The following FREM2 variants were observed in gnomAD, a reference collection of about 807,000 sequenced individuals.
FREM2 encodes the protein FRAS1 related extracellular matrix 2.
FREM2 carries 119 observed loss-of-function variants against 219.9 expected under a neutral mutation model. That is an observed-to-expected ratio of 0.54 (90% CI 0.47 to 0.63). FREM2 has a LOEUF of 0.63. FREM2 is among the 30% of genes least tolerant of loss of function. FREM2 has a pLI of 0.00. For missense variants in FREM2, 4,030 were observed against 3,993.6 expected, an observed-to-expected ratio of 1.01 and a Z score of -0.25; for synonymous variants, 1,562 against 1,522.8, an observed-to-expected ratio of 1.03 and a Z score of -0.60.
intron 6 of FREM2, among the ~76,000 whole-genome samples, chr13:38,832,226 G>A (rs1382431771): frequency 1.3e-5 from 2 of 151,766 alleles, no homozygotes; most frequent in Non-Finnish European, 2.9e-5. Flanking sequence ...ATCTCACCAC[G>A]GCACTCCATC....
At position 38,688,087 on chromosome 13, in the gene FREM2, C is replaced by A. The variant is rs1164931194; in HGVS notation, c.743C>A (p.Ala248Asp). ...CCTGGAGGAGCCAGAGAGGGAGGCG[C>A]CCCGGAGACTCTCCTGATGGACTGC... is the stretch of plus-strand genomic sequence containing the variant. Reference protein sequence around the residue: ...QVPGGAREGGAPETLLMDCKA... With the variant: ...QVPGGAREGGDPETLLMDCKA... Residue 248 changes from alanine (A) to aspartate (D), a missense_variant, in exon 1 of 24, where the codon GCC becomes GAC. By Grantham distance (126) the Ala-to-Asp change is moderately radical. This residue lies in a region of FREM2 where 3,102 missense variants were observed against 2,950.7 expected (regional missense o/e 1.05). Coordinates refer to ENST00000280481, the MANE Select transcript of FREM2 (RefSeq NM_207361.6). 6.2e-7 allele frequency: 1 copy of A among 1,609,548 alleles called. No individual in the cohort carries two copies. Among genetic ancestry groups the A allele is most frequent in the Non-Finnish European group, 8.5e-7 (1 of 1,176,548 alleles).
rs771997262 is a variant in FREM2 at position 38,687,433 on chromosome 13, T to G, written c.89T>G (p.Leu30Arg). Residue 30 changes from leucine (L) to arginine (R), a missense_variant, in exon 1 of 24, where the codon CTG becomes CGG. Around this residue, in one of 2 missense-constraint regions of FREM2, gnomAD observed 3,102 missense variants for 2,950.7 expected, o/e 1.05. Coordinates refer to ENST00000280481, the MANE Select transcript of FREM2 (RefSeq NM_207361.6). ...CCAGGACCGCCACCGCCGCCCCGGC[T>G]GCTGCTGCTGCTGCTGCTTCTCCTG... ...FQPGPPPPPR[L>R]LLLLLLLLSL... 5.1e-6 allele frequency: 8 copies of G among 1,576,272 alleles called. No individual in the cohort carries two copies. Among genetic ancestry groups the G allele is most frequent in the Non-Finnish European group, 6.9e-6 (8 of 1,160,518 alleles).
At position 38,688,428 on chromosome 13, in the gene FREM2, C is replaced by G. The variant is rs773403483; in HGVS notation, c.1084C>G (p.Pro362Ala). ...CCTGTTGATCTTCAACCTTACTTCT[C>G]CATTCCAGCCTGGCCAGGGCTACTT... ...SDLLIFNLTS[P>A]FQPGQGYLVS... Residue 362 changes from proline (P) to alanine (A), a missense_variant, in exon 1 of 24, where the codon CCA (proline) becomes GCA (alanine). This residue lies in a region of FREM2 where 3,102 missense variants were observed against 2,950.7 expected (regional missense o/e 1.05). Transcript: ENST00000280481. The G allele has an allele frequency of 4.3e-6, 7 of 1,613,898 alleles. No individual in the cohort carries two copies. The South Asian group carries it at 6.6e-5, about 15-fold the overall frequency.
In FREM2 at chr13:38,851,674, C is replaced by A; in HGVS notation, c.6743-12C>A. 1 of 1,585,628 alleles carries A rather than the reference C, an allele frequency of 6.3e-7. No individual in the cohort carries two copies. Among genetic ancestry groups the A allele is most frequent in the Non-Finnish European group, 8.7e-7 (1 of 1,154,932 alleles). On this transcript the variant is annotated splice_polypyrimidine_tract_variant and intron_variant, in intron 10 of 23. Coordinates refer to ENST00000280481, the MANE Select transcript of FREM2 (RefSeq NM_207361.6). ...TAACAATTTCATTTGTCTTTGTTTCCCACAATTTTAGAGACTGTTATTAAA... is the reference window on the plus strand; with the variant it reads ...TAACAATTTCATTTGTCTTTGTTTCACACAATTTTAGAGACTGTTATTAAA...
chr13:38,793,710 G>T (rs1874656603), intron 6 of FREM2, among the ~76,000 whole-genome samples: 1 of 152,210 alleles, frequency 6.6e-6, no homozygotes. Flanking sequence ...GAGCTCAGGT[G>T]GCTGTTGGAG....
chr13:38,695,250 T>A (rs1328513442), intron 1 of FREM2, among the ~76,000 whole-genome samples: 6 of 152,148 alleles, frequency 3.9e-5, no homozygotes, highest in Non-Finnish European at 8.8e-5. Flanking sequence ...ACCAGTATGA[T>A]GATGAAAGTC....
At chr13:38,811,397 T>C (rs1593421938) in intron 6 of FREM2, among the ~76,000 whole-genome samples, 1 of 152,222 alleles carries the variant, frequency 6.6e-6, no homozygotes, top group East Asian at 1.9e-4. Context: ...TATTAGGTTA[T>C]TTATTTGAAG....
chr13:38,871,051 A>T (rs934510603), intron 16 of FREM2, among the ~76,000 whole-genome samples: 3 of 152,130 alleles, frequency 2.0e-5, no homozygotes, highest in African/African-American at 7.2e-5. Context: ...CAATTGCTCA[A>T]TGAGGTAATA....
At chr13:38,877,056 A>G in intron 20 of FREM2, 61 bp from the exon 21 acceptor site, 1 of 1,588,316 alleles carries the variant, frequency 6.3e-7, no homozygotes, top group South Asian at 1.1e-5. Context: ...ATCTGTGAAC[A>G]GTATGTTTGT....
At chr13:38,822,674 G>C (rs1276253166) in intron 6 of FREM2, among the ~76,000 whole-genome samples, 1 of 152,062 alleles carries the variant, frequency 6.6e-6, no homozygotes, top group African/African-American at 2.4e-5. Flanking sequence ...CATGTTTTCT[G>C]TGATGTTGGT....
At chr13:38,716,661 C>T (rs1003357383) in intron 2 of FREM2, among the ~76,000 whole-genome samples, 4 of 152,140 alleles carry the variant, frequency 2.6e-5, no homozygotes, top group African/African-American at 7.2e-5. Flanking sequence ...GCACCTGCCA[C>T]CACACCCAGC....
intron 6 of FREM2, among the ~76,000 whole-genome samples, chr13:38,831,777 T>TA (rs1876521067): frequency 1.1e-4 from 1 of 9,254 alleles, no homozygotes; most frequent in South Asian, 3.8e-3. Context: ...CCAGACTGAA[T>TA]TTTTTTTTTT....
At chr13:38,770,935 C>T (rs887758879) in intron 4 of FREM2, among the ~76,000 whole-genome samples, 1 of 151,688 alleles carries the variant, frequency 6.6e-6, no homozygotes, top group Non-Finnish European at 1.5e-5. Context: ...CGTATAGAAA[C>T]ATCTAAAGCT....
chr13:38,732,330 A>G (rs1459014197), intron 2 of FREM2, among the ~76,000 whole-genome samples: 2 of 152,210 alleles, frequency 1.3e-5, no homozygotes, highest in African/African-American at 4.8e-5. Context: ...GGACTTCACT[A>G]GTCTATGGGT....
Position 38,687,437 on chromosome 13 carries a change from G to T in FREM2, c.93G>T (p.Leu31=). The part of the protein sequence containing the change: ...QPGPPPPPRL[L]LLLLLLLSLV... ...GACCGCCACCGCCGCCCCGGCTGCTGCTGCTGCTGCTGCTTCTCCTGTCAC... is the reference window on the plus strand; with the variant it reads ...GACCGCCACCGCCGCCCCGGCTGCTTCTGCTGCTGCTGCTTCTCCTGTCAC... The change falls in exon 1 of 24, where the codon CTG becomes CTT. Residue 31 remains leucine (L), a synonymous_variant. Transcript: ENST00000280481. 1 of 1,595,834 alleles carries T rather than the reference G, an allele frequency of 6.3e-7. No homozygotes were observed. The highest frequency in any genetic ancestry group is 8.5e-7 in the Non-Finnish European group (1 of 1,171,826).
At chr13:38,788,146 T>C (rs1333363765) in intron 6 of FREM2, among the ~76,000 whole-genome samples, 2 of 152,132 alleles carry the variant, frequency 1.3e-5, no homozygotes, top group Admixed American at 6.6e-5. Context: ...GAAATAGCAC[T>C]AGCAAAATAA....
intron 6 of FREM2, chr13:38,821,732 C>G (rs1876065436): frequency 6.6e-6 from 1 of 152,020 alleles, no homozygotes; most frequent in South Asian, 2.1e-4. Context: ...GCTTATAGGC[C>G]CCTGCTAAGT....
At chr13:38,810,327 T>C (rs1875427265) in intron 6 of FREM2, among the ~76,000 whole-genome samples, 1 of 152,110 alleles carries the variant, frequency 6.6e-6, no homozygotes, top group South Asian at 2.1e-4. Context: ...CCTTGCCTGA[T>C]TGTTCTAGCT....
At chr13:38,813,363 C>A (rs923081397) in intron 6 of FREM2, among the ~76,000 whole-genome samples, 2 of 150,970 alleles carry the variant, frequency 1.3e-5, no homozygotes, top group African/African-American at 2.4e-5. Context: ...TTTTTTCCTT[C>A]AGCACTTTAA....
Sources: gnomAD v4.1 joint callset for allele counts (sites outside exome capture counted in the v4.1 genomes callset) on GRCh38, gnomAD v4.1.1 for gene constraint, gnomAD v4.1.1 regional missense constraint, MANE v1.5 for transcripts, NCBI Gene and HGNC (gene_info 2026-07-23, HGNC 2026-07-21) for gene names.